TMC1: variants seen among roughly 807,000 people sequenced by gnomAD.
TMC1 encodes transmembrane channel like 1.
In TMC1, 84 loss-of-function variants were observed where a neutral mutation model predicts 105.8. That is an observed-to-expected ratio of 0.79 (90% CI 0.67 to 0.95). The LOEUF is 0.95. Among genes scored for constraint, TMC1 ranks in the 40% least tolerant of loss-of-function variants. The pLI, the probability that TMC1 is intolerant of heterozygous loss-of-function variation, is 0.00. For synonymous variants in TMC1, 315 were observed against 311.5 expected, an observed-to-expected ratio of 1.01 and a Z score of -0.12; for missense variants, 817 against 914.1, an observed-to-expected ratio of 0.89 and a Z score of 1.37.
At chr9:72,742,551 GAGA>G (rs1289286033) in intron 10 of TMC1, 26 bp downstream of exon 10, 2 of 1,587,542 alleles carry the variant, frequency 1.3e-6, no homozygotes, top group Non-Finnish European at 1.7e-6. Flanking sequence ...ATCTCAGGTG[GAGA>G]AGGTTGTCTT....
chr9:72,762,812 G>C (rs1432267855), intron 12 of TMC1, among the ~76,000 whole-genome samples: 1 of 152,146 alleles, frequency 6.6e-6, no homozygotes, highest in African/African-American at 2.4e-5. Context: ...AAAGGGCTCT[G>C]TCCCTTATTT....
intron 1 of TMC1, among the ~76,000 whole-genome samples, chr9:72,553,569 T>C (rs1233179657): frequency 1.3e-5 from 2 of 152,212 alleles, no homozygotes; most frequent in African/African-American, 2.4e-5. Flanking sequence ...AATTATACTG[T>C]AGTAGTATGC....
intron 8 of TMC1, among the ~76,000 whole-genome samples, chr9:72,728,511 T>G (rs1029123546): frequency 1.3e-5 from 2 of 152,180 alleles, no homozygotes; most frequent in Admixed American, 6.5e-5. Context: ...TGCTTTCATC[T>G]TGAAATAATC....
chr9:72,623,918 C>G (rs1245183678), intron 3 of TMC1, among the ~76,000 whole-genome samples: 1 of 152,124 alleles, frequency 6.6e-6, no homozygotes, highest in African/African-American at 2.4e-5. Context: ...GGGCACCATA[C>G]TGATAGACCA....
intron 8 of TMC1, among the ~76,000 whole-genome samples, chr9:72,725,285 A>T (rs1827094188): frequency 7.0e-6 from 1 of 143,064 alleles, no homozygotes; most frequent in African/African-American, 2.5e-5. Context: ...CTCTTAGACA[A>T]CTCATAGGAT....
intron 8 of TMC1, among the ~76,000 whole-genome samples, chr9:72,724,864 GT>G (rs1827087940): frequency 6.6e-6 from 1 of 151,998 alleles, no homozygotes; most frequent in African/African-American, 2.4e-5. Context: ...TATCCATGAT[GT>G]TTTTTGGAAA....
At chr9:72,607,487 C>T (rs1190387433) in intron 2 of TMC1, among the ~76,000 whole-genome samples, 9 of 151,654 alleles carry the variant, frequency 5.9e-5, no homozygotes, top group Admixed American at 3.9e-4. Context: ...GGTGTGGTGG[C>T]GGGCGCCTGT....
chr9:72,742,790 C>T (rs1827412533), intron 10 of TMC1, among the ~76,000 whole-genome samples: 1 of 152,210 alleles, frequency 6.6e-6, no homozygotes, highest in Admixed American at 6.5e-5. Context: ...CTGGTTTTCT[C>T]TCCTATACAG....
chr9:72,625,312 A>G (rs925812105), intron 3 of TMC1, among the ~76,000 whole-genome samples: 24 of 152,204 alleles, frequency 1.6e-4, no homozygotes, highest in African/African-American at 5.5e-4. Context: ...AGGGGGAACC[A>G]TAGGTTATCT....
chr9:72,808,547 CTA>C (rs1183348954), intron 18 of TMC1, among the ~76,000 whole-genome samples: 2 of 152,230 alleles, frequency 1.3e-5, no homozygotes, highest in Non-Finnish European at 2.9e-5. Context: ...AAAGAATACT[CTA>C]TGAAAATAGA....
chr9:72,666,013 G>A (rs951929779), intron 5 of TMC1, among the ~76,000 whole-genome samples: 1 of 152,166 alleles, frequency 6.6e-6, no homozygotes, highest in Admixed American at 6.5e-5. Context: ...GAGGAGCTTG[G>A]GTTATGTGAA....
At chr9:72,770,441 C>T (rs865849187) in intron 12 of TMC1, among the ~76,000 whole-genome samples, 4 of 111,708 alleles carry the variant, frequency 3.6e-5, no homozygotes, top group Admixed American at 1.1e-4. Context: ...TTTTTTGAGA[C>T]GGGGTCTCAC....
chr9:72,529,880 T>C (rs1370399048), intron 1 of TMC1, among the ~76,000 whole-genome samples: 2 of 152,158 alleles, frequency 1.3e-5, no homozygotes, highest in Non-Finnish European at 2.9e-5. Flanking sequence ...TCAGGAAAGA[T>C]TGAAGACTTG....
intron 8 of TMC1, among the ~76,000 whole-genome samples, chr9:72,710,578 T>A (rs1235825420): frequency 6.6e-6 from 1 of 152,156 alleles, no homozygotes; most frequent in Admixed American, 6.5e-5. Flanking sequence ...GAACAAAGCC[T>A]TTTATCATGA....
chr9:72,570,971 G>A (rs1824272837), intron 1 of TMC1, among the ~76,000 whole-genome samples: 1 of 150,196 alleles, frequency 6.7e-6, no homozygotes, highest in Admixed American at 6.6e-5. Flanking sequence ...TTACAGGCAT[G>A]AGCCACCGCA....
intron 12 of TMC1, among the ~76,000 whole-genome samples, chr9:72,757,555 A>T (rs1475589900): frequency 2.0e-5 from 3 of 152,176 alleles, no homozygotes; most frequent in African/African-American, 7.2e-5. Context: ...TATCTTGAAG[A>T]TGACATTGAA....
chr9:72,747,878 G>A (rs1827517723), intron 10 of TMC1, among the ~76,000 whole-genome samples: 1 of 152,142 alleles, frequency 6.6e-6, no homozygotes. Flanking sequence ...ACAGGAGTGA[G>A]CCACCGTGCC....
intron 1 of TMC1, among the ~76,000 whole-genome samples, chr9:72,569,358 C>T (rs1423866223): frequency 6.6e-6 from 1 of 151,750 alleles, no homozygotes; most frequent in Admixed American, 6.6e-5. Context: ...AATGTAGAAC[C>T]CGGCTACAGA....
At chr9:72,730,853 G>A (rs923193635) in intron 8 of TMC1, among the ~76,000 whole-genome samples, 6 of 152,156 alleles carry the variant, frequency 3.9e-5, no homozygotes, top group African/African-American at 7.2e-5. Context: ...TAGATCTCTC[G>A]CATGTGCAGT....
Sources: gnomAD v4.1 joint callset for allele counts (sites outside exome capture counted in the v4.1 genomes callset) on GRCh38, gnomAD v4.1.1 for gene constraint, MANE v1.5 for transcripts, NCBI Gene and HGNC (gene_info 2026-07-23, HGNC 2026-07-21) for gene names.